The following KCNIP4 variants were observed in gnomAD, a reference collection of about 807,000 sequenced individuals.
KCNIP4 encodes potassium voltage-gated channel interacting protein 4, also known as Kv channel-interacting protein 4.
A neutral mutation model predicts 34.0 loss-of-function variants in KCNIP4; 12 were observed. The ratio of observed to expected loss-of-function variants is 0.35; its 90% CI spans 0.23 to 0.57. KCNIP4 has a LOEUF of 0.57. Among genes scored for constraint, KCNIP4 ranks in the 20% least tolerant of loss-of-function variants. The pLI is 0.83. For synonymous variants in KCNIP4, 124 were observed against 102.2 expected, an observed-to-expected ratio of 1.21 and a Z score of -1.29; for missense variants, 238 against 311.7, an observed-to-expected ratio of 0.76 and a Z score of 1.78.
rs997346069 is a variant in KCNIP4 at position 21,732,146 on chromosome 4, G to T, written c.61+216425C>A. Among the ~76,000 whole-genome samples the T allele has an allele frequency of 5.3e-5, 8 of 151,778 alleles. 1 individual carries two copies. The highest frequency in any genetic ancestry group is 3.9e-4 in the Admixed American group (6 of 15,224). ...TAAATTTTTAAAATATGTAAAATAG[G>T]TGTAATGTGCCCAGTAATGAGATAG... On this transcript the variant is annotated intron_variant, in intron 1 of 8. Transcript: ENST00000382152.
At chr4:21,521,135 G>A (rs959908411) in intron 1 of KCNIP4, among the ~76,000 whole-genome samples, 10 of 152,092 alleles carry the variant, frequency 6.6e-5, no homozygotes, top group Admixed American at 5.9e-4. Flanking sequence ...CCACAGGGCA[G>A]CATCCAACAG....
At position 21,854,557 on chromosome 4, in the gene KCNIP4, A is replaced by C. The variant is rs532877452; in HGVS notation, c.61+94014T>G. Among the ~76,000 whole-genome samples, 6 of 152,264 alleles carry C rather than the reference A, an allele frequency of 3.9e-5. No individual in the cohort carries two copies. The South Asian group carries it at 1.2e-3, about 32-fold the overall frequency. On this transcript the variant is annotated intron_variant, in intron 1 of 8. Transcript: ENST00000382152. ...GTGAAGAATGACAAAGGCATTGCCT[A>C]TCCTGTGTGAATCTAGTAAACCTCT...
chr4:21,310,141 T>C (rs1289962277), intron 1 of KCNIP4, among the ~76,000 whole-genome samples: 1 of 152,140 alleles, frequency 6.6e-6, no homozygotes, highest in Non-Finnish European at 1.5e-5. Context: ...CAAGCAGTTC[T>C]CCTGTCTCAG....
chr4:21,741,863 C>A (rs932652375), intron 1 of KCNIP4, among the ~76,000 whole-genome samples: 1 of 151,972 alleles, frequency 6.6e-6, no homozygotes, highest in Non-Finnish European at 1.5e-5. Context: ...ATAGTGAAAC[C>A]CCATTTCTAC....
intron 1 of KCNIP4, among the ~76,000 whole-genome samples, chr4:21,815,629 G>A (rs1303199743): frequency 6.6e-6 from 1 of 151,840 alleles, no homozygotes; most frequent in Non-Finnish European, 1.5e-5. Flanking sequence ...TACCAAGACA[G>A]AAAAAAAATT....
intron 1 of KCNIP4, among the ~76,000 whole-genome samples, chr4:20,896,266 T>G (rs35053460): frequency 0.34 from 51,986 of 152,032 alleles, 10,516 homozygotes; most frequent in East Asian, 0.5. Context: ...TTACATTAGC[T>G]GCCTGGCCCC....
intron 1 of KCNIP4, among the ~76,000 whole-genome samples, chr4:20,957,680 C>T (rs866067938): frequency 2.1e-4 from 32 of 152,178 alleles, no homozygotes; most frequent in Middle Eastern, 6.8e-3. Context: ...TGTGCTTTAT[C>T]TGCCATGAAT....
chr4:21,535,584 G>T (rs988393933), intron 1 of KCNIP4, among the ~76,000 whole-genome samples: 2 of 152,074 alleles, frequency 1.3e-5, no homozygotes, highest in Non-Finnish European at 1.5e-5. Flanking sequence ...ACCCTCATTT[G>T]ATTTGCGGCA....
At chr4:21,658,061 A>G (rs1318646791) in intron 1 of KCNIP4, among the ~76,000 whole-genome samples, 2 of 151,954 alleles carry the variant, frequency 1.3e-5, no homozygotes, top group Admixed American at 6.5e-5. Flanking sequence ...GATTGTCTCA[A>G]TCTCCTGACC....
intron 1 of KCNIP4, among the ~76,000 whole-genome samples, chr4:21,192,915 T>TTTACTA (rs1553952039): frequency 1.1e-5 from 1 of 94,282 alleles, no homozygotes; most frequent in Admixed American, 9.6e-5. Flanking sequence ...CCGCCCCGTC[T>TTTACTA]CTACTACTAC....
chr4:21,855,368 C>A (rs1349371074), intron 1 of KCNIP4, among the ~76,000 whole-genome samples: 1 of 152,174 alleles, frequency 6.6e-6, no homozygotes, highest in African/African-American at 2.4e-5. Flanking sequence ...CTATTTTCAT[C>A]TTTGTTTTCC....
chr4:21,008,708 T>C (rs936006961), intron 1 of KCNIP4, among the ~76,000 whole-genome samples: 4 of 151,542 alleles, frequency 2.6e-5, no homozygotes, highest in Admixed American at 6.6e-5. Flanking sequence ...GCATTTTTAG[T>C]AGAGACGGGG....
intron 1 of KCNIP4, among the ~76,000 whole-genome samples, chr4:21,769,682 A>G (rs1212834645): frequency 2.0e-5 from 3 of 152,014 alleles, no homozygotes; most frequent in Non-Finnish European, 4.4e-5. Flanking sequence ...ACATTACACC[A>G]TTTGTTTTTT....
At chr4:21,929,725 A>G (rs188192688) in intron 1 of KCNIP4, among the ~76,000 whole-genome samples, 1 of 152,104 alleles carries the variant, frequency 6.6e-6, no homozygotes, top group African/African-American at 2.4e-5. Context: ...TAATCTCCTT[A>G]CTCATATCCA....
chr4:21,004,879 G>A (rs890432982), intron 1 of KCNIP4, among the ~76,000 whole-genome samples: 7 of 151,846 alleles, frequency 4.6e-5, no homozygotes, highest in African/African-American at 1.7e-4. Flanking sequence ...AAGGGGAGAG[G>A]ACAGGACATA....
intron 1 of KCNIP4, among the ~76,000 whole-genome samples, chr4:21,525,968 T>C (rs897063695): frequency 6.6e-6 from 1 of 151,650 alleles, no homozygotes; most frequent in Non-Finnish European, 1.5e-5. Flanking sequence ...AATTTTCTTA[T>C]TACTAAATCA....
At chr4:21,669,730 C>T (rs1749325271) in intron 1 of KCNIP4, among the ~76,000 whole-genome samples, 1 of 152,168 alleles carries the variant, frequency 6.6e-6, no homozygotes, top group Non-Finnish European at 1.5e-5. Flanking sequence ...TAATTACATA[C>T]CATTTTCTTT....
intron 1 of KCNIP4, among the ~76,000 whole-genome samples, chr4:21,370,049 G>A (rs943112448): frequency 1.4e-5 from 2 of 147,008 alleles, no homozygotes; most frequent in Non-Finnish European, 1.5e-5. Context: ...GGATGGTCTC[G>A]ACCTCCTGAC....
At chr4:21,233,629 C>A (rs186705415) in intron 1 of KCNIP4, among the ~76,000 whole-genome samples, 1 of 151,732 alleles carries the variant, frequency 6.6e-6, no homozygotes, top group Admixed American at 6.6e-5. Context: ...AGAAAGAACA[C>A]ATTTCTTTCT....
Sources: gnomAD v4.1 joint callset for allele counts (sites outside exome capture counted in the v4.1 genomes callset) on GRCh38, gnomAD v4.1.1 for gene constraint, MANE v1.5 for transcripts, NCBI Gene and HGNC (gene_info 2026-07-23, HGNC 2026-07-21) for gene names.